The following CHRM3 variants were observed in gnomAD, a reference collection of about 807,000 sequenced individuals.
CHRM3 encodes the protein cholinergic receptor muscarinic 3, also known as muscarinic acetylcholine receptor M3.
In CHRM3, 11 loss-of-function variants were observed where a neutral mutation model predicts 41.8. The observed-to-expected ratio is 0.26, with a 90% CI of 0.17 to 0.44. The LOEUF (loss-of-function observed/expected upper bound fraction) is 0.44. Ranked by LOEUF, CHRM3 falls within the 20% of genes least tolerant of loss-of-function variation. The pLI is 1.00. For synonymous variants in CHRM3, 297 were observed against 301.4 expected (o/e 0.99, Z 0.15); for missense variants, 571 against 745.4 (o/e 0.77, Z 2.72).
intron 4 of CHRM3, among the ~76,000 whole-genome samples, chr1:239,658,860 T>C (rs1311236805): frequency 6.6e-6 from 1 of 151,956 alleles, no homozygotes; most frequent in Non-Finnish European, 1.5e-5. Flanking sequence ...CACCTCAGCC[T>C]CCTGAGTAGC....
intron 6 of CHRM3, among the ~76,000 whole-genome samples, chr1:239,868,766 A>T (rs1676330298): frequency 6.6e-6 from 1 of 152,232 alleles, no homozygotes; most frequent in African/African-American, 2.4e-5. Flanking sequence ...TGAGAAGCAC[A>T]TGAATTAATG....
chr1:239,640,533 A>G (rs1005133561), intron 4 of CHRM3, among the ~76,000 whole-genome samples: 1 of 151,738 alleles, frequency 6.6e-6, no homozygotes, highest in East Asian at 1.9e-4. Context: ...TTTCTTGTAG[A>G]TTTTCTAGTT....
intron 5 of CHRM3, among the ~76,000 whole-genome samples, chr1:239,779,267 AT>A (rs1371903457): frequency 3.9e-5 from 6 of 152,320 alleles, no homozygotes; most frequent in African/African-American, 1.2e-4. Flanking sequence ...TGTTTTCAGC[AT>A]CCCCCACCAG....
At chr1:239,459,077 G>A (rs752369551) in intron 1 of CHRM3, among the ~76,000 whole-genome samples, 14 of 152,110 alleles carry the variant, frequency 9.2e-5, no homozygotes, top group Admixed American at 1.3e-4. Context: ...AAGTGGTCAA[G>A]GTTTCTGGAT....
intron 3 of CHRM3, chr1:239,629,432 T>G (rs1669534300): frequency 6.6e-6 from 1 of 150,680 alleles, no homozygotes; most frequent in South Asian, 2.1e-4. Flanking sequence ...ACCCGGTACC[T>G]CAGATGGAAA....
intron 5 of CHRM3, among the ~76,000 whole-genome samples, chr1:239,816,591 C>A (rs1261200107): frequency 3.3e-5 from 5 of 152,096 alleles, no homozygotes; most frequent in African/African-American, 1.2e-4. Flanking sequence ...CAGGAAGTAC[C>A]AAGCAAGGTG....
At chr1:239,849,644 T>G (rs190775868) in intron 6 of CHRM3, among the ~76,000 whole-genome samples, 1 of 152,306 alleles carries the variant, frequency 6.6e-6, no homozygotes, top group Admixed American at 6.5e-5. Context: ...AAGGTACAAG[T>G]TTTTGAAGCA....
chr1:239,841,466 A>G (rs535670890), intron 6 of CHRM3, among the ~76,000 whole-genome samples: 34 of 152,200 alleles, frequency 2.2e-4, no homozygotes, highest in African/African-American at 8.2e-4. Flanking sequence ...CTAAGGAGGA[A>G]AAATAGAGAG....
At chr1:239,545,862 A>G (rs768565150) in intron 3 of CHRM3, 113 bp downstream of exon 3, 9 of 152,174 alleles carry the variant, frequency 5.9e-5, no homozygotes, top group Admixed American at 1.3e-4. Context: ...TGTCGCCGGT[A>G]TGAAATATGG....
rs547125604 is a variant in CHRM3 at position 239,694,905 on chromosome 1, G to A, written c.-147+16617G>A. Among the ~76,000 whole-genome samples the A allele has an allele frequency of 1.5e-3, 229 of 152,036 alleles. 1 individual carries two copies. In the Middle Eastern group the frequency reaches 0.017, roughly 11 times the overall value. On this transcript the variant is annotated intron_variant, in intron 5 of 6. Coordinates refer to ENST00000676153, the MANE Select transcript of CHRM3 (RefSeq NM_001375978.1). ...GTCTTTTTTTTAACCTTGTAGAGTC[G>A]TGTATTTATTTTTCATTGGTGTCTA...
At chr1:239,904,687 A>T (rs535911861) in intron 6 of CHRM3, among the ~76,000 whole-genome samples, 10 of 152,186 alleles carry the variant, frequency 6.6e-5, no homozygotes, top group South Asian at 2.1e-4. Context: ...CCAAATATTT[A>T]AAAAAAGTAA....
At chr1:239,509,470 G>A (rs1334823997) in intron 2 of CHRM3, among the ~76,000 whole-genome samples, 1 of 152,118 alleles carries the variant, frequency 6.6e-6, no homozygotes, top group Non-Finnish European at 1.5e-5. Context: ...TAAAATACTT[G>A]CAAATGTTTC....
In CHRM3 at chr1:239,899,320, C is replaced by T. The variant is rs573598650; in HGVS notation, c.-19-8113C>T. ...GTGTGTGTGTGTGTATATACACACA[C>T]GCATATATATCTATTGAATTTAGTG... On this transcript the variant is annotated intron_variant, in intron 6 of 6. Transcript: ENST00000676153. Among the ~76,000 whole-genome samples the T allele has an allele frequency of 5.2e-3, 754 of 144,362 alleles. 3 individuals carry two copies. Among genetic ancestry groups the T allele is most frequent in the Admixed American group, 8.8e-3 (128 of 14,526 alleles). 94.7% of individuals were successfully genotyped at this position (144,362 alleles called of 152,430 possible). A position where few individuals can be genotyped will look rare whatever the true frequency, so the allele number is the denominator to read the frequency against.
chr1:239,637,006 T>G (rs971670713), intron 4 of CHRM3, among the ~76,000 whole-genome samples: 7 of 152,216 alleles, frequency 4.6e-5, no homozygotes, highest in Admixed American at 4.6e-4. Context: ...GAAGTTCAGT[T>G]TGTATCCTCG....
intron 1 of CHRM3, among the ~76,000 whole-genome samples, chr1:239,391,428 C>T (rs564836100): frequency 7.9e-5 from 12 of 152,284 alleles, no homozygotes; most frequent in African/African-American, 2.6e-4. Flanking sequence ...GGCCCTCTGG[C>T]TCAGTTTTTG....
At chr1:239,802,795 A>G (rs1451494320) in intron 5 of CHRM3, among the ~76,000 whole-genome samples, 2 of 152,074 alleles carry the variant, frequency 1.3e-5, no homozygotes, top group African/African-American at 4.8e-5. Context: ...ATGGGGTTTC[A>G]CCATGTTACC....
intron 6 of CHRM3, among the ~76,000 whole-genome samples, chr1:239,845,720 A>G (rs1674206784): frequency 6.6e-6 from 1 of 152,250 alleles, no homozygotes; most frequent in South Asian, 2.1e-4. Context: ...TCTAAAGAAC[A>G]ACAAAACAAC....
At chr1:239,497,697 T>A (rs1056610973) in intron 2 of CHRM3, among the ~76,000 whole-genome samples, 3 of 152,190 alleles carry the variant, frequency 2.0e-5, no homozygotes, top group African/African-American at 4.8e-5. Flanking sequence ...AGACTAACAG[T>A]GGTGAAACCT....
At position 239,473,252 on chromosome 1, in the gene CHRM3, T is replaced by C. The variant is rs551938320; in HGVS notation, c.-520-19457T>C. On this transcript the variant is annotated intron_variant, in intron 1 of 6. Transcript: ENST00000676153. The stretch of plus-strand genomic sequence containing the variant: ...ACTGATCCATTTAACTTAATAAACG[T>C]AAGCATATTTGAAAAAAAAAAAAAA... Among the ~76,000 whole-genome samples, 284 of 120,504 alleles carry C rather than the reference T, an allele frequency of 2.4e-3. 1 individual carries two copies. Among genetic ancestry groups the C allele is most frequent in the African/African-American group, 8.6e-3 (267 of 31,192 alleles). The allele number at this position is 120,504 out of a possible 152,430, so 79.1% of individuals were successfully genotyped here. A position where few individuals can be genotyped will look rare whatever the true frequency, so the allele number is the denominator to read the frequency against.
Sources: gnomAD v4.1 joint callset for allele counts (sites outside exome capture counted in the v4.1 genomes callset) on GRCh38, gnomAD v4.1.1 for gene constraint, MANE v1.5 for transcripts, NCBI Gene and HGNC (gene_info 2026-07-23, HGNC 2026-07-21) for gene names.